MALRD1: variants seen among roughly 807,000 people sequenced by gnomAD.
The protein encoded by MALRD1 is MAM and LDL receptor class A domain containing 1.
MALRD1 carries 247 observed loss-of-function variants against 242.1 expected under a neutral mutation model. The ratio of observed to expected loss-of-function variants is 1.02; its 90% CI spans 0.92 to 1.13. MALRD1 has a LOEUF of 1.13. Ranked by LOEUF, MALRD1 falls within the 50% of genes most tolerant of loss-of-function variation. The pLI, the probability that MALRD1 is intolerant of heterozygous loss-of-function variation, is 0.00. For missense variants in MALRD1, 2,989 were observed against 2,533.1 expected (o/e 1.18, Z -3.86); for synonymous variants, 995 against 866.6 (o/e 1.15, Z -2.60).
At chr10:19,550,914 A>G (rs892112722) in intron 32 of MALRD1, among the ~76,000 whole-genome samples, 3 of 152,158 alleles carry the variant, frequency 2.0e-5, no homozygotes, top group African/African-American at 7.2e-5. Flanking sequence ...GTTTTTGAGG[A>G]ATCACCACAC....
At chr10:19,271,462 T>C (rs966491279) in intron 19 of MALRD1, among the ~76,000 whole-genome samples, 3 of 152,190 alleles carry the variant, frequency 2.0e-5, no homozygotes, top group African/African-American at 7.2e-5. Context: ...CTGTCACTAT[T>C]ATTAGAATTT....
At chr10:19,067,322 C>T (rs34041318) in intron 2 of MALRD1, among the ~76,000 whole-genome samples, 24,805 of 152,048 alleles carry the variant, frequency 0.16, 2,115 homozygotes, top group Middle Eastern at 0.27. Context: ...TTTGAGGTAG[C>T]TCTGGAGCCA....
intron 1 of MALRD1, among the ~76,000 whole-genome samples, chr10:19,049,607 T>C (rs1483015472): frequency 5.9e-5 from 9 of 152,234 alleles, no homozygotes; most frequent in African/African-American, 9.6e-5. Flanking sequence ...GCATGTGGGA[T>C]ACAACTCTGG....
chr10:19,440,294 G>C (rs1476288046), intron 28 of MALRD1, among the ~76,000 whole-genome samples: 3 of 151,666 alleles, frequency 2.0e-5, no homozygotes, highest in Non-Finnish European at 4.4e-5. Context: ...TTCAAGTTTT[G>C]CATTTTATTT....
chr10:19,223,088 T>C (rs931103116), intron 18 of MALRD1, among the ~76,000 whole-genome samples: 1 of 152,194 alleles, frequency 6.6e-6, no homozygotes, highest in Non-Finnish European at 1.5e-5. Flanking sequence ...AATGGATTCT[T>C]CTTTCTTAAA....
intron 29 of MALRD1, among the ~76,000 whole-genome samples, chr10:19,458,659 A>G (rs1037490781): frequency 4.5e-4 from 68 of 152,264 alleles, no homozygotes; most frequent in Middle Eastern, 3.4e-3. Flanking sequence ...GAATTGGCCA[A>G]TGTGCTGTGA....
At chr10:19,394,505 A>G (rs1846490255) in intron 28 of MALRD1, among the ~76,000 whole-genome samples, 1 of 152,174 alleles carries the variant, frequency 6.6e-6, no homozygotes, top group Non-Finnish European at 1.5e-5. Flanking sequence ...TGATTACGTA[A>G]AAGACTGTGG....
rs569295046 is a variant in MALRD1, at chr10:19,366,402, TG to T, written c.4441+14107del. 9.2e-5 allele frequency among the ~76,000 whole-genome samples: 14 copies of T among 152,128 alleles called. No individual in the cohort carries two copies. In the South Asian group the frequency reaches 2.7e-3, roughly 29 times the overall value. ...GGCGGAGCTCAGGTGGTAATGTGAG[TG>T]GTGGGGAGCAGCTGTAAATACAGAT... On this transcript the variant is annotated intron_variant, in intron 26 of 39. Transcript: ENST00000454679.
At chr10:19,235,578 C>CACCCACAGAGAG (rs143433292) in intron 18 of MALRD1, among the ~76,000 whole-genome samples, 1 of 132,478 alleles carries the variant, frequency 7.5e-6, no homozygotes, top group South Asian at 3.0e-4. Context: ...CCCACACCCA[C>CACCCACAGAGAG]AGAGAGAGAG....
chr10:19,142,197 A>AAAAAAT (rs1833573050), intron 10 of MALRD1, among the ~76,000 whole-genome samples: 3 of 148,576 alleles, frequency 2.0e-5, no homozygotes, highest in Non-Finnish European at 3.0e-5. Flanking sequence ...AAAAAAAAAA[A>AAAAAAT]GTGGAATGCT....
intron 1 of MALRD1, among the ~76,000 whole-genome samples, chr10:19,055,952 A>G (rs1317434663): frequency 2.0e-5 from 3 of 152,140 alleles, no homozygotes; most frequent in Non-Finnish European, 4.4e-5. Context: ...CACACAACTT[A>G]CCTATGTAAC....
chr10:19,561,586 C>T (rs1333768352), intron 32 of MALRD1, among the ~76,000 whole-genome samples: 1 of 152,116 alleles, frequency 6.6e-6, no homozygotes. Flanking sequence ...GCCATTTGGG[C>T]TGCTATAACA....
chr10:19,557,639 A>C (rs537134012), intron 32 of MALRD1, among the ~76,000 whole-genome samples: 1 of 152,074 alleles, frequency 6.6e-6, no homozygotes, highest in South Asian at 2.1e-4. Flanking sequence ...CAGTGTGTCT[A>C]TTCTTTCACA....
intron 33 of MALRD1, among the ~76,000 whole-genome samples, chr10:19,583,669 A>G (rs1012512794): frequency 8.9e-4 from 135 of 152,200 alleles, no homozygotes; most frequent in Middle Eastern, 6.8e-3. Context: ...CATCAAGGGT[A>G]TTGGTCTAAA....
At chr10:19,383,095 T>A (rs1025925505) in intron 26 of MALRD1, among the ~76,000 whole-genome samples, 1 of 152,140 alleles carries the variant, frequency 6.6e-6, no homozygotes, top group Non-Finnish European at 1.5e-5. Flanking sequence ...GAAATGTTTG[T>A]TATATAGGTA....
intron 26 of MALRD1, among the ~76,000 whole-genome samples, chr10:19,371,546 C>A (rs1222017332): frequency 6.6e-6 from 1 of 151,786 alleles, no homozygotes; most frequent in African/African-American, 2.4e-5. Context: ...ATTACACTAA[C>A]CAATTTTCAA....
At chr10:19,157,649 G>T (rs1834219720) in intron 12 of MALRD1, among the ~76,000 whole-genome samples, 1 of 152,138 alleles carries the variant, frequency 6.6e-6, no homozygotes, top group African/African-American at 2.4e-5. Context: ...GGAACGTATT[G>T]ATAATAGTGC....
chr10:19,273,982 C>T (rs572853088), intron 19 of MALRD1, among the ~76,000 whole-genome samples: 48 of 152,196 alleles, frequency 3.2e-4, no homozygotes, highest in African/African-American at 1.1e-3. Context: ...TGAAAAATAG[C>T]ATTATGAGAC....
intron 29 of MALRD1, 40 bp from the exon 30 acceptor site, chr10:19,491,477 A>G: frequency 1.9e-6 from 3 of 1,541,706 alleles, no homozygotes; most frequent in Non-Finnish European, 1.7e-6. Flanking sequence ...TAATGAAAAT[A>G]TTGATGGAAT....
Sources: allele counts gnomAD v4.1 joint callset (sites outside exome capture counted in the v4.1 genomes callset), GRCh38; gene constraint gnomAD v4.1.1; transcripts MANE v1.5; gene names NCBI Gene and HGNC (gene_info 2026-07-23, HGNC 2026-07-21).